PACSIN2: variants seen among roughly 807,000 people sequenced by gnomAD.
PACSIN2 encodes protein kinase C and casein kinase substrate in neurons 2, also known as protein kinase C and casein kinase substrate in neurons protein 2.
Under a neutral mutation model 63.8 loss-of-function variants are expected in PACSIN2, and 25 were observed. That is an observed-to-expected ratio of 0.39 (90% confidence interval 0.29 to 0.55). The LOEUF (loss-of-function observed/expected upper bound fraction) is 0.55. Among genes scored for constraint, PACSIN2 ranks in the 20% least tolerant of loss-of-function variants. The pLI is 0.62. For synonymous variants in PACSIN2, 255 were observed against 256.2 expected, an observed-to-expected ratio of 1.00 and a Z score of 0.05; for missense variants, 518 against 646.9, an observed-to-expected ratio of 0.80 and a Z score of 2.16.
At position 42,940,202 on chromosome 22, in the gene PACSIN2, G is replaced by A. The variant is rs1032528521; in HGVS notation, c.-77-28045C>T. ...GTAAAACCAAGTGGAAAGCATGCAC[G>A]GGCTTAAAAACTCAAACTCCTTAAC... is the stretch of plus-strand genomic sequence containing the variant. On this transcript the variant is annotated intron_variant, in intron 1 of 10. Transcript: ENST00000263246. Among the ~76,000 whole-genome samples the A allele has an allele frequency of 1.4e-4, 22 of 152,110 alleles. 1 individual carries two copies. The highest frequency in any genetic ancestry group is 4.4e-5 in the Non-Finnish European group (3 of 68,016).
intron 1 of PACSIN2, among the ~76,000 whole-genome samples, chr22:43,012,431 G>A (rs1472457171): frequency 6.6e-6 from 1 of 151,904 alleles, no homozygotes; most frequent in African/African-American, 2.4e-5. Context: ...TCTCCCTGCA[G>A]AATGCTATGT....
intron 1 of PACSIN2, among the ~76,000 whole-genome samples, chr22:43,007,598 G>C (rs976210232): frequency 2.6e-5 from 4 of 152,158 alleles, no homozygotes; most frequent in Admixed American, 2.6e-4. Context: ...TGTGGCTCTG[G>C]CACAATCCCT....
intron 1 of PACSIN2, among the ~76,000 whole-genome samples, chr22:42,971,080 C>T (rs1235443928): frequency 1.3e-5 from 2 of 152,194 alleles, no homozygotes; most frequent in Non-Finnish European, 2.9e-5. Flanking sequence ...TACAAACCAC[C>T]ATGATAAAAA....
chr22:42,902,063 T>A (rs1194483441), intron 2 of PACSIN2, among the ~76,000 whole-genome samples: 1 of 152,216 alleles, frequency 6.6e-6, no homozygotes, highest in Non-Finnish European at 1.5e-5. Context: ...TTAAGGAACA[T>A]CCACTGTGTG....
chr22:43,000,474 T>C (rs1354705992), intron 1 of PACSIN2, among the ~76,000 whole-genome samples: 2 of 152,228 alleles, frequency 1.3e-5, no homozygotes, highest in Non-Finnish European at 1.5e-5. Context: ...GGTTTCTCTC[T>C]CTACTCACCT....
rs561689675 is a variant in PACSIN2, at chr22:43,005,904, T to C, written c.-78+9117A>G. ...TTGATGGCATTAGGAAGTAGGGCCT[T>C]TGGAAGCTAATTAGGCAGGGCCCTC... On this transcript the variant is annotated intron_variant, in intron 1 of 10. Coordinates refer to ENST00000263246, the MANE Select transcript of PACSIN2 (RefSeq NM_001184970.3). 1.6e-3 allele frequency among the ~76,000 whole-genome samples: 248 copies of C among 152,284 alleles called. 2 individuals carry two copies. The highest frequency in any genetic ancestry group is 5.8e-3 in the African/African-American group (240 of 41,548).
intron 4 of PACSIN2, 76 bp from the exon 5 acceptor site, chr22:42,888,874 G>C (rs1929690581): frequency 1.4e-6 from 2 of 1,465,394 alleles, no homozygotes; most frequent in Middle Eastern, 4.3e-4. Context: ...ACAGACCATG[G>C]GAATGCTTGT....
Position 42,888,735 on chromosome 22 carries a change from C to T in PACSIN2, c.517G>A (p.Glu173Lys), listed in dbSNP as rs751774240. Residue 173 changes from glutamate to lysine, a missense_variant, in exon 5 of 11, where the codon GAA becomes AAA. Physicochemically the swap from Glu to Lys is moderately conservative, Grantham distance 56. Coordinates refer to ENST00000263246, the MANE Select transcript of PACSIN2 (RefSeq NM_001184970.3). ...CKEEKLAISR[E>K]ANSKADPSLN... ...GATGGGTCTGCCTTGCTGTTGGCTTCTCGTGAGATAGCCAGCTTCTCCTCT... is the reference window on the plus strand; with the variant it reads ...GATGGGTCTGCCTTGCTGTTGGCTTTTCGTGAGATAGCCAGCTTCTCCTCT... 13 of 1,613,844 alleles carry T rather than the reference C, an allele frequency of 8.1e-6. No homozygotes were observed. Among genetic ancestry groups the T allele is most frequent in the African/African-American group, 4.0e-5 (3 of 74,904 alleles).
chr22:42,924,516 C>T (rs912458582), intron 1 of PACSIN2, among the ~76,000 whole-genome samples: 1 of 152,142 alleles, frequency 6.6e-6, no homozygotes, highest in Admixed American at 6.5e-5. Flanking sequence ...TTAAGCCCCC[C>T]ATGCAGAGTA....
chr22:42,982,623 T>C (rs1308165436), intron 1 of PACSIN2, among the ~76,000 whole-genome samples: 4 of 125,610 alleles, frequency 3.2e-5, no homozygotes, highest in Non-Finnish European at 4.9e-5. Context: ...CAGGGTTAAA[T>C]GGATTAAGGG....
At chr22:42,910,093 C>A (rs1371866252) in intron 2 of PACSIN2, among the ~76,000 whole-genome samples, 1 of 152,204 alleles carries the variant, frequency 6.6e-6, no homozygotes, top group Non-Finnish European at 1.5e-5. Flanking sequence ...CAAAGCCATA[C>A]ACAGAAGTAA....
intron 1 of PACSIN2, among the ~76,000 whole-genome samples, chr22:42,916,613 C>G (rs953280085): frequency 6.6e-6 from 1 of 152,132 alleles, no homozygotes; most frequent in African/African-American, 2.4e-5. Context: ...CCCTGACAAG[C>G]CTCCCTTTCC....
intron 1 of PACSIN2, chr22:43,002,373 A>G (rs367885702): frequency 6.6e-6 from 1 of 152,332 alleles, no homozygotes; most frequent in African/African-American, 2.4e-5. Flanking sequence ...AACGTGGAAC[A>G]TTAGCTCCAA....
chr22:42,982,096 C>T (rs1922207470), intron 1 of PACSIN2, among the ~76,000 whole-genome samples: 3 of 120,876 alleles, frequency 2.5e-5, no homozygotes, highest in Admixed American at 2.3e-4. Context: ...CCCCTCTGCC[C>T]GGCCAGCCGC....
chr22:42,949,696 TCACACACACTCTCTCACACACACA>T (rs1425994680), intron 1 of PACSIN2, among the ~76,000 whole-genome samples: 3 of 148,260 alleles, frequency 2.0e-5, no homozygotes, highest in Admixed American at 2.0e-4. Flanking sequence ...ACACACACAC[TCACACACACTCTCTCACACACACA>T]CACACAGGCA....
chr22:42,985,713 T>A (rs1922560855), intron 1 of PACSIN2, among the ~76,000 whole-genome samples: 1 of 152,334 alleles, frequency 6.6e-6, no homozygotes, highest in South Asian at 2.1e-4. Flanking sequence ...ACCTTCTGTC[T>A]GCCTCTTCAC....
chr22:42,987,831 C>T (rs1310487512), intron 1 of PACSIN2, among the ~76,000 whole-genome samples: 1 of 152,080 alleles, frequency 6.6e-6, no homozygotes, highest in Admixed American at 6.5e-5. Context: ...ATAAAACCTC[C>T]AGAACACATT....
At chr22:43,006,206 C>A (rs976120146) in intron 1 of PACSIN2, among the ~76,000 whole-genome samples, 3 of 152,180 alleles carry the variant, frequency 2.0e-5, no homozygotes, top group Non-Finnish European at 2.9e-5. Flanking sequence ...AGAACCCAAC[C>A]ATGCTGGTAC....
At chr22:42,947,792 A>C (rs1933495816) in intron 1 of PACSIN2, among the ~76,000 whole-genome samples, 1 of 152,234 alleles carries the variant, frequency 6.6e-6, no homozygotes, top group Non-Finnish European at 1.5e-5. Context: ...TGCACGGATC[A>C]AATGGCATCC....
Sources: allele counts gnomAD v4.1 joint callset (sites outside exome capture counted in the v4.1 genomes callset), GRCh38; gene constraint gnomAD v4.1.1; transcripts MANE v1.5; gene names NCBI Gene and HGNC (gene_info 2026-07-23, HGNC 2026-07-21).